NCR1: variants seen among roughly 807,000 people sequenced by gnomAD.
NCR1 encodes the protein NK cell-activating receptor.
In NCR1, 30 loss-of-function variants were observed where a neutral mutation model predicts 32.5. The ratio of observed to expected loss-of-function variants is 0.92; its 90% confidence interval spans 0.69 to 1.25. NCR1 has a LOEUF of 1.25. Among genes scored for constraint, NCR1 ranks in the 50% most tolerant of loss-of-function variants. The probability of loss-of-function intolerance (pLI) is 0.00; values close to 1 mark genes in which losing one functional copy is unlikely to be tolerated. For missense variants in NCR1, 369 were observed against 380.7 expected (o/e 0.97, Z 0.26); for synonymous variants, 169 against 143.4 (o/e 1.18, Z -1.28).
At chr19:54,927,969 T>A in the NCR1 span, among the ~76,000 whole-genome samples, 117 of 152,278 alleles carry the variant, frequency 7.7e-4, no homozygotes, top group African/African-American at 2.7e-3. Flanking sequence ...GACAGACACC[T>A]GTAGCCCCAG....
the NCR1 span, among the ~76,000 whole-genome samples, chr19:54,929,542 G>A: frequency 8.3e-3 from 1,265 of 152,184 alleles, 21 homozygotes; most frequent in African/African-American, 0.028. Context: ...TGAAGAGCTC[G>A]CCATTCCATT....
upstream of NCR1, among the ~76,000 whole-genome samples, chr19:54,903,317 CAT>C (rs1274046756): frequency 4.9e-5 from 6 of 122,156 alleles, no homozygotes; most frequent in African/African-American, 2.0e-4. Flanking sequence ...TGTATACATA[CAT>C]GTATATATAC....
chr19:54,930,033 A>G, the NCR1 span, among the ~76,000 whole-genome samples: 1 of 149,922 alleles, frequency 6.7e-6, no homozygotes, highest in East Asian at 2.0e-4. Flanking sequence ...GAGAATAGCG[A>G]GAACCCGGGA....
chr19:54,914,743 CTT>C (rs58541136), downstream of NCR1, among the ~76,000 whole-genome samples: 37,700 of 143,122 alleles, frequency 0.26, 5,119 homozygotes, highest in Non-Finnish European at 0.34. Flanking sequence ...AAAGATAGCA[CTT>C]TTTTTTTTTT....
downstream of NCR1, among the ~76,000 whole-genome samples, chr19:54,917,059 C>A (rs761831778): frequency 7.2e-5 from 11 of 151,970 alleles, no homozygotes; most frequent in Admixed American, 2.0e-4. Flanking sequence ...ATTGCTCCCC[C>A]ACAGTTGTAT....
At chr19:54,908,182 T>C (rs1006401288) in intron 3 of NCR1, among the ~76,000 whole-genome samples, 2 of 152,124 alleles carry the variant, frequency 1.3e-5, no homozygotes, top group Non-Finnish European at 2.9e-5. Flanking sequence ...TAGGGAGTGG[T>C]GATGACTCTT....
At chr19:54,934,627 C>T in the NCR1 span, 2 of 1,613,948 alleles carry the variant, frequency 1.2e-6, no homozygotes, top group Non-Finnish European at 8.5e-7. The surrounding 1 kb of genome is among the most constrained non-coding windows in gnomAD (Gnocchi z 6.7). Flanking sequence ...GAATTCAGCC[C>T]ACTGCTCCGG....
rs771914760 is a variant in NCR1, at chr19:54,912,714, C to T, written c.758C>T (p.Ala253Val). The T allele has an allele frequency of 8.7e-6, 14 of 1,613,394 alleles. No individual in the cohort carries two copies. In the African/African-American group the frequency reaches 1.9e-4, roughly 22 times the overall value. Residue 253 changes from alanine (A) to valine (V), a missense_variant, in exon 7 of 7, where the codon GCC (alanine) becomes GTC (valine). Ala to Val is a moderately conservative substitution (Grantham distance 64, BLOSUM62 0). Transcript: ENST00000291890. ...GACCATGCCCTCTGGGATCACACTG[C>T]CCAGAATCTCCTTCGGATGGGCCTG... ...QKDHALWDHT[A>V]QNLLRMGLAF... is the part of the protein sequence containing the mutation.
chr19:54,923,483 C>T, the NCR1 span: 1 of 551,550 alleles, frequency 1.8e-6, no homozygotes. Flanking sequence ...TGCAGGTTTG[C>T]TCCTGAGCAT....
In NCR1 at chr19:54,910,055, C is replaced by T. The variant is rs767978925; in HGVS notation, c.672C>T (p.Pro224=). The change falls in exon 5 of 7, where the codon CCC becomes CCT. Residue 224 remains proline, a synonymous_variant. Coordinates refer to ENST00000291890, the MANE Select transcript of NCR1 (RefSeq NM_004829.7). ...ACACCAGCCTTGCACCTGAAGACCCCACCTTTCCTGGTGAGTAACTGGTCC... is the reference window on the plus strand; with the variant it reads ...ACACCAGCCTTGCACCTGAAGACCCTACCTTTCCTGGTGAGTAACTGGTCC... ...IENTSLAPED[P]TFPADTWGTY... 24 of 1,613,844 alleles carry T rather than the reference C, an allele frequency of 1.5e-5. No homozygotes were observed. The highest frequency in any genetic ancestry group is 1.2e-4 in the South Asian group (11 of 91,072).
intron 6 of NCR1, 46 bp downstream of exon 6, chr19:54,912,264 C>T: frequency 6.4e-7 from 1 of 1,567,884 alleles, no homozygotes; most frequent in South Asian, 1.1e-5. Flanking sequence ...AGGGGCTGGG[C>T]ATAGAGTAGA....
the NCR1 span, among the ~76,000 whole-genome samples, chr19:54,924,756 T>C: frequency 1.3e-5 from 2 of 152,036 alleles, no homozygotes; most frequent in Non-Finnish European, 2.9e-5. Context: ...GCCAACATAG[T>C]GAAACCCCGT....
chr19:54,938,195 A>C, the NCR1 span: 1 of 1,614,072 alleles, frequency 6.2e-7, no homozygotes, highest in East Asian at 2.2e-5. Context: ...AGGCGAAGAG[A>C]GCGAAGATCC....
chr19:54,929,680 T>A, the NCR1 span, among the ~76,000 whole-genome samples: 414 of 152,280 alleles, frequency 2.7e-3, 1 homozygote, highest in African/African-American at 9.4e-3. Flanking sequence ...GAAGTCCAGG[T>A]CACTGGGGGC....
chr19:54,931,287 G>C, the NCR1 span, among the ~76,000 whole-genome samples: 2 of 151,916 alleles, frequency 1.3e-5, no homozygotes, highest in Non-Finnish European at 1.5e-5. Flanking sequence ...GGCCGGGCGC[G>C]GTGGCTCAAA....
At chr19:54,904,531 C>CTTTTCTTTTTTTTTTTTTTTTTTTTT, upstream of NCR1, among the ~76,000 whole-genome samples, 108 of 118,916 alleles carry the variant, frequency 9.1e-4, 1 homozygote, top group East Asian at 1.5e-3. Flanking sequence ...GTTTTCTTTT[C>CTTTTCTTTTTTTTTTTTTTTTTTTTT]TTTTTTTTTT....
At chr19:54,924,259 C>T in the NCR1 span, among the ~76,000 whole-genome samples, 3 of 152,160 alleles carry the variant, frequency 2.0e-5, no homozygotes, top group African/African-American at 7.2e-5. Context: ...TGAGCCACAG[C>T]ACCCAGTCAG....
chr19:54,934,713 C>A, the NCR1 span: 1 of 1,433,908 alleles, frequency 7.0e-7, no homozygotes, highest in Non-Finnish European at 9.5e-7. The surrounding 1 kb of genome is among the most constrained non-coding windows in gnomAD (Gnocchi z 6.7). Flanking sequence ...TATACCCTAT[C>A]AGCTTTTTTT....
downstream of NCR1, among the ~76,000 whole-genome samples, chr19:54,919,612 G>A (rs1602084777): frequency 6.6e-6 from 1 of 151,914 alleles, no homozygotes; most frequent in Non-Finnish European, 1.5e-5. Context: ...ACAGGGAGAC[G>A]GTTAGGCCTC....
Sources: gnomAD v4.1 joint callset for allele counts (sites outside exome capture counted in the v4.1 genomes callset) on GRCh38, gnomAD v4.1.1 for gene constraint, Gnocchi (gnomAD v3.1) non-coding constraint, MANE v1.5 for transcripts, NCBI Gene and HGNC (gene_info 2026-07-23, HGNC 2026-07-21) for gene names.